CSMD1: variants seen among roughly 807,000 people sequenced by gnomAD.
The protein encoded by CSMD1 is CUB and sushi domain-containing protein 1.
Under a neutral mutation model 417.5 loss-of-function variants are expected in CSMD1, and 213 were observed. That is an observed-to-expected ratio of 0.51 (90% CI 0.46 to 0.57). The LOEUF is 0.57. CSMD1 is among the 20% of genes least tolerant of loss of function. The pLI is 0.00. For missense variants in CSMD1, 6,923 were observed against 4,529.7 expected (o/e 1.53, Z -15.17); for synonymous variants, 2,862 against 1,736.8 (o/e 1.65, Z -16.11).
intron 11 of CSMD1, among the ~76,000 whole-genome samples, chr8:3,490,710 T>C (rs1434757651): frequency 1.3e-5 from 2 of 152,118 alleles, no homozygotes; most frequent in Non-Finnish European, 2.9e-5. Flanking sequence ...AGAAACTCTA[T>C]CTTTGACTTG....
intron 10 of CSMD1, among the ~76,000 whole-genome samples, chr8:3,567,615 C>G (rs909270231): frequency 3.3e-5 from 5 of 151,838 alleles, no homozygotes; most frequent in Admixed American, 2.0e-4. Context: ...GCCTATAATA[C>G]CTATCATCTG....
chr8:4,116,328 G>A (rs144958286), intron 3 of CSMD1, among the ~76,000 whole-genome samples: 4 of 152,226 alleles, frequency 2.6e-5, no homozygotes, highest in African/African-American at 7.2e-5. Flanking sequence ...AAACCACTCT[G>A]TATGATACTA....
chr8:4,553,183 T>A (rs1454830904), intron 2 of CSMD1, among the ~76,000 whole-genome samples: 1 of 152,208 alleles, frequency 6.6e-6, no homozygotes, highest in Non-Finnish European at 1.5e-5. Context: ...TCGCCTCCCT[T>A]TCCCATGTTT....
At chr8:4,535,606 T>C (rs748855897) in intron 2 of CSMD1, among the ~76,000 whole-genome samples, 1 of 152,240 alleles carries the variant, frequency 6.6e-6, no homozygotes, top group Non-Finnish European at 1.5e-5. Context: ...ATCTCTGTTC[T>C]GTGAAATTAT....
intron 19 of CSMD1, 57 bp from the exon 20 acceptor site, chr8:3,367,304 G>A (rs1229905135): frequency 1.9e-5 from 15 of 775,830 alleles, no homozygotes; most frequent in Middle Eastern, 3.6e-4. Flanking sequence ...ACGGGGCGGC[G>A]GGGGCAGAGA....
At chr8:4,910,561 C>A (rs980240956) in intron 1 of CSMD1, among the ~76,000 whole-genome samples, 3 of 152,112 alleles carry the variant, frequency 2.0e-5, no homozygotes, top group African/African-American at 7.2e-5. Context: ...TTTATAGACG[C>A]TAATTCCATT....
chr8:3,716,631 T>A (rs1019450031), intron 6 of CSMD1, among the ~76,000 whole-genome samples: 2 of 152,170 alleles, frequency 1.3e-5, no homozygotes, highest in Admixed American at 6.5e-5. Flanking sequence ...TTATGGCCTG[T>A]GTCTTGTGCT....
At chr8:4,756,437 T>G (rs553981082) in intron 1 of CSMD1, among the ~76,000 whole-genome samples, 1 of 152,300 alleles carries the variant, frequency 6.6e-6, no homozygotes, top group Non-Finnish European at 1.5e-5. Context: ...GACAGTCCAG[T>G]TTCCTAAACG....
At chr8:4,230,360 C>G (rs1022947685) in intron 3 of CSMD1, among the ~76,000 whole-genome samples, 1 of 152,192 alleles carries the variant, frequency 6.6e-6, no homozygotes, top group African/African-American at 2.4e-5. Flanking sequence ...CGAGTAAACT[C>G]TGGTGACCTA....
At chr8:3,188,314 T>TC (rs1796204330) in intron 35 of CSMD1, among the ~76,000 whole-genome samples, 1 of 135,662 alleles carries the variant, frequency 7.4e-6, no homozygotes, top group Non-Finnish European at 1.6e-5. Flanking sequence ...CTTTTTTTTT[T>TC]TTTTTTTTTT....
intron 1 of CSMD1, among the ~76,000 whole-genome samples, chr8:4,819,707 G>T (rs1402710684): frequency 6.6e-6 from 1 of 152,108 alleles, no homozygotes; most frequent in Non-Finnish European, 1.5e-5. Context: ...TTTCTACAGA[G>T]TTCTTACAGA....
At chr8:3,385,529 T>A (rs1810954623) in intron 18 of CSMD1, among the ~76,000 whole-genome samples, 1 of 152,112 alleles carries the variant, frequency 6.6e-6, no homozygotes. Flanking sequence ...TTTGTTAGGA[T>A]CTTCAAAGCA....
chr8:4,759,603 C>T (rs934019731), intron 1 of CSMD1, among the ~76,000 whole-genome samples: 1 of 152,054 alleles, frequency 6.6e-6, no homozygotes. Flanking sequence ...TGTGTTGTTC[C>T]CCTCCCTACG....
At chr8:4,052,140 G>C (rs186553995) in intron 3 of CSMD1, among the ~76,000 whole-genome samples, 1 of 151,986 alleles carries the variant, frequency 6.6e-6, no homozygotes, top group Non-Finnish European at 1.5e-5. Flanking sequence ...GGTCAGGGTG[G>C]TCTCGAACTC....
chr8:3,480,904 C>T (rs900037806), intron 11 of CSMD1, among the ~76,000 whole-genome samples: 4 of 151,826 alleles, frequency 2.6e-5, no homozygotes, highest in African/African-American at 7.3e-5. Flanking sequence ...CGCCTGTAAT[C>T]CCAGCACTTT....
intron 3 of CSMD1, among the ~76,000 whole-genome samples, chr8:4,214,637 T>C (rs1800524667): frequency 6.6e-6 from 1 of 152,156 alleles, no homozygotes; most frequent in Non-Finnish European, 1.5e-5. Context: ...TGAGTATGTA[T>C]TTGCATGCAC....
rs537178248 is a variant in CSMD1, at chr8:3,659,704, T to A, written c.1010-42907A>T. Among the ~76,000 whole-genome samples, 56 of 152,002 alleles carry A rather than the reference T, an allele frequency of 3.7e-4. No individual in the cohort carries two copies. The South Asian group carries it at 7.1e-3, about 19-fold the overall frequency. The stretch of plus-strand genomic sequence containing the variant: ...AACAATATGGGCTTTCCAAACAAGC[T>A]CAAATCAGTTCTACACTCCATAATA... On this transcript the variant is annotated intron_variant, in intron 7 of 69. Transcript: ENST00000635120.
At chr8:3,687,319 G>A (rs916613833) in intron 7 of CSMD1, among the ~76,000 whole-genome samples, 5 of 152,144 alleles carry the variant, frequency 3.3e-5, no homozygotes, top group Non-Finnish European at 7.4e-5. Flanking sequence ...AAGGTGATCT[G>A]CTCCATGTAA....
At chr8:4,093,006 A>G (rs1381622961) in intron 3 of CSMD1, among the ~76,000 whole-genome samples, 5 of 152,094 alleles carry the variant, frequency 3.3e-5, no homozygotes, top group African/African-American at 1.2e-4. Flanking sequence ...AGAAAAGACC[A>G]CTGAGGAATG....
Sources: gnomAD v4.1 joint callset for allele counts (sites outside exome capture counted in the v4.1 genomes callset) on GRCh38, gnomAD v4.1.1 for gene constraint, MANE v1.5 for transcripts, NCBI Gene and HGNC (gene_info 2026-07-23, HGNC 2026-07-21) for gene names.